Variants in DNAJB6 observed in about 807,000 individuals in gnomAD.
DNAJB6 encodes the protein dnaJ homolog subfamily B member 6.
A neutral mutation model predicts 42.7 loss-of-function variants in DNAJB6; 16 were observed. The ratio of observed to expected loss-of-function variants is 0.37; its 90% CI spans 0.25 to 0.57. The LOEUF is 0.57. Among genes scored for constraint, DNAJB6 ranks in the 20% least tolerant of loss-of-function variants. DNAJB6 has a pLI of 0.74. For synonymous variants in DNAJB6, 170 were observed against 163.5 expected (o/e 1.04, Z -0.30); for missense variants, 347 against 416.8 (o/e 0.83, Z 1.46).
In DNAJB6 at chr7:157,415,853, C is replaced by T. The variant is rs17837759; in HGVS notation, c.899-163C>T. On this transcript the variant is annotated intron_variant, in intron 9 of 9. Coordinates refer to ENST00000262177, the MANE Select transcript of DNAJB6 (RefSeq NM_058246.4). The stretch of plus-strand genomic sequence containing the variant: ...TAGTGTGAGCAGTTCTCAACGTGCA[C>T]CTTGGAAAGCGCCCGTTTTGAGGTT... 0.036 allele frequency among the ~76,000 whole-genome samples: 5,502 copies of T among 152,286 alleles called. 350 individuals are homozygous for T. Among genetic ancestry groups the T allele is most frequent in the African/African-American group, 0.12 (5,169 of 41,524 alleles).
At chr7:157,406,089 C>T (rs1326819888) in intron 8 of DNAJB6, among the ~76,000 whole-genome samples, 1 of 152,236 alleles carries the variant, frequency 6.6e-6, no homozygotes, top group African/African-American at 2.4e-5. Flanking sequence ...CCGAATCGGG[C>T]AGTCCTCCTG....
intron 4 of DNAJB6, among the ~76,000 whole-genome samples, chr7:157,367,013 C>T (rs1258628001): frequency 6.6e-6 from 1 of 152,232 alleles, no homozygotes; most frequent in Non-Finnish European, 1.5e-5. Context: ...CACGCGGCAG[C>T]TTCTGTGGCT....
chr7:157,370,055 A>G (rs1261793166), intron 5 of DNAJB6, among the ~76,000 whole-genome samples: 1 of 136,128 alleles, frequency 7.3e-6, no homozygotes. Flanking sequence ...CAGGTCTTTC[A>G]TAACGTTATT....
rs112834824 is a variant in DNAJB6 at position 157,357,212 on chromosome 7, G to GTCCTTCCT, written c.-26-1291_-26-1284dup. 1.6e-3 allele frequency among the ~76,000 whole-genome samples: 98 copies of GTCCTTCCT among 61,836 alleles called. 15 individuals are homozygous for GTCCTTCCT. Among genetic ancestry groups the GTCCTTCCT allele is most frequent in the Admixed American group, 2.1e-3 (11 of 5,284 alleles). 40.6% of individuals were successfully genotyped at this position (61,836 alleles called of 152,430 possible). On this transcript the variant is annotated intron_variant, in intron 1 of 9. Transcript: ENST00000262177. ...GTCTTTGTGGCTTTGTGATACTGTT[G>GTCCTTCCT]TCCTTCCTTCCTTCCTTCCTTCCTT...
At chr7:157,353,775 A>G (rs914087176) in intron 1 of DNAJB6, among the ~76,000 whole-genome samples, 10 of 151,694 alleles carry the variant, frequency 6.6e-5, no homozygotes, top group Non-Finnish European at 1.2e-4. Context: ...TGATCCTCCC[A>G]CCTCAGCCTC....
chr7:157,404,335 G>A (rs962162609), intron 8 of DNAJB6, among the ~76,000 whole-genome samples: 3 of 151,140 alleles, frequency 2.0e-5, no homozygotes, highest in African/African-American at 7.3e-5. Flanking sequence ...CTGTCAGTTA[G>A]GCTGGAGTGC....
At chr7:157,383,896 T>A (rs1800918945) in intron 6 of DNAJB6, among the ~76,000 whole-genome samples, 1 of 152,230 alleles carries the variant, frequency 6.6e-6, no homozygotes, top group East Asian at 1.9e-4. Flanking sequence ...ATTGAAATAT[T>A]TTGGATATAC....
intron 5 of DNAJB6, among the ~76,000 whole-genome samples, chr7:157,375,872 GGAGA>G (rs1800446592): frequency 1.3e-5 from 2 of 152,196 alleles, no homozygotes; most frequent in African/African-American, 4.8e-5. Context: ...TGGAACTTGA[GGAGA>G]GAGTGACATA....
intron 8 of DNAJB6, among the ~76,000 whole-genome samples, chr7:157,403,021 G>A (rs779319009): frequency 6.6e-6 from 1 of 152,010 alleles, no homozygotes; most frequent in Non-Finnish European, 1.5e-5. Context: ...TGCCCGAGGT[G>A]GTCGGGGCGC....
chr7:157,377,400 A>G (rs183739681), intron 5 of DNAJB6, among the ~76,000 whole-genome samples: 2 of 152,348 alleles, frequency 1.3e-5, no homozygotes, highest in African/African-American at 4.8e-5. Context: ...TCAGGATACA[A>G]AGTTAAGGTT....
At chr7:157,353,586 G>GGTGTGT (rs370854040) in intron 1 of DNAJB6, among the ~76,000 whole-genome samples, 10,978 of 139,958 alleles carry the variant, frequency 0.078, 486 homozygotes, top group East Asian at 0.18. Flanking sequence ...TCTTGACCGG[G>GGTGTGT]GTGTGTGTGT....
intron 8 of DNAJB6, among the ~76,000 whole-genome samples, chr7:157,394,066 T>C (rs1040842062): frequency 2.0e-5 from 3 of 152,358 alleles, no homozygotes; most frequent in Admixed American, 6.5e-5. Flanking sequence ...ATCTTATTAT[T>C]ATCCTGAGTT....
intron 8 of DNAJB6, 45 bp from the exon 9 acceptor site, chr7:157,409,750 C>G (rs934502067): frequency 6.8e-7 from 1 of 1,479,910 alleles, no homozygotes; most frequent in African/African-American, 1.4e-5. Flanking sequence ...GGGGGCCGGC[C>G]GCCGCCGCTC....
chr7:157,384,756 C>A, intron 6 of DNAJB6, 111 bp from the exon 7 acceptor site: 1 of 1,081,196 alleles, frequency 9.2e-7, no homozygotes, highest in Non-Finnish European at 1.4e-6. Flanking sequence ...TATTACTCCT[C>A]GGTTCTATGC....
At chr7:157,355,606 C>T (rs976113667) in intron 1 of DNAJB6, among the ~76,000 whole-genome samples, 1 of 152,170 alleles carries the variant, frequency 6.6e-6, no homozygotes, top group Non-Finnish European at 1.5e-5. Flanking sequence ...TAAGAGCCTC[C>T]AGTGGCAGGC....
At chr7:157,342,068 T>C (rs1259206655) in intron 1 of DNAJB6, among the ~76,000 whole-genome samples, 1 of 152,154 alleles carries the variant, frequency 6.6e-6, no homozygotes, top group Non-Finnish European at 1.5e-5. Flanking sequence ...GGTTTTGCCA[T>C]GTTGGCCAGA....
rs11767506 is a variant in DNAJB6, at chr7:157,353,568, G to A, written c.-26-4979G>A. Among the ~76,000 whole-genome samples, 120 of 150,124 alleles carry A rather than the reference G, an allele frequency of 8.0e-4. 1 individual carries two copies. The highest frequency in any genetic ancestry group is 1.5e-3 in the Non-Finnish European group (99 of 67,732). ...CTCTTAGTTACAGGTTGTCTGTCCCGTTGTTTTTCTTGACCGGGGTGTGTG... is the reference window on the plus strand; with the variant it reads ...CTCTTAGTTACAGGTTGTCTGTCCCATTGTTTTTCTTGACCGGGGTGTGTG... On this transcript the variant is annotated intron_variant, in intron 1 of 9. Coordinates refer to ENST00000262177, the MANE Select transcript of DNAJB6 (RefSeq NM_058246.4).
At chr7:157,351,634 AAACAAC>A (rs199667104) in intron 1 of DNAJB6, among the ~76,000 whole-genome samples, 25 of 99,358 alleles carry the variant, frequency 2.5e-4, no homozygotes, top group East Asian at 5.5e-4. Flanking sequence ...CTCTGTCTCA[AAACAAC>A]AACAACAACA....
intron 8 of DNAJB6, among the ~76,000 whole-genome samples, chr7:157,390,313 G>A (rs1801277800): frequency 6.6e-6 from 1 of 152,188 alleles, no homozygotes; most frequent in Admixed American, 6.6e-5. Context: ...CTCCACTCCT[G>A]GGAGCCCTGA....
Sources: gnomAD v4.1 joint callset for allele counts (sites outside exome capture counted in the v4.1 genomes callset) on GRCh38, gnomAD v4.1.1 for gene constraint, MANE v1.5 for transcripts, NCBI Gene and HGNC (gene_info 2026-07-23, HGNC 2026-07-21) for gene names.